DNER: variants seen among roughly 807,000 people sequenced by gnomAD.
DNER encodes delta/notch like EGF repeat containing, also known as delta and Notch-like epidermal growth factor-related receptor.
In DNER, 33 loss-of-function variants were observed where a neutral mutation model predicts 78.2. The ratio of observed to expected loss-of-function variants is 0.42; its 90% CI spans 0.32 to 0.56. The LOEUF (loss-of-function observed/expected upper bound fraction) is 0.56, where lower values mean the gene tolerates loss of function less well. DNER is among the 20% of genes least tolerant of loss of function. DNER has a pLI of 0.11. For missense variants in DNER, 918 were observed against 975.3 expected (o/e 0.94, Z 0.78); for synonymous variants, 417 against 384.8 (o/e 1.08, Z -0.98).
In DNER at chr2:229,534,898, C is replaced by T. The variant is rs1193831461; in HGVS notation, c.993+12049G>A. Among the ~76,000 whole-genome samples, 8 of 152,050 alleles carry T rather than the reference C, an allele frequency of 5.3e-5. No homozygotes were observed. The South Asian group carries it at 6.2e-4, about 12-fold the overall frequency. ...TTGCCCAGGCTGGAGTACCCTGGCA[C>T]GATCTCAACTCACTGCAACCTCTGC... On this transcript the variant is annotated intron_variant, in intron 5 of 12. Transcript: ENST00000341772.
chr2:229,542,759 C>T (rs1361688266), intron 5 of DNER, among the ~76,000 whole-genome samples: 1 of 124,716 alleles, frequency 8.0e-6, no homozygotes, highest in Non-Finnish European at 1.6e-5. Context: ...TAAAAAGTCA[C>T]AGGAACCCAA....
chr2:229,492,555 C>T (rs1695423756), intron 6 of DNER, among the ~76,000 whole-genome samples: 1 of 152,206 alleles, frequency 6.6e-6, no homozygotes, highest in South Asian at 2.1e-4. Flanking sequence ...CCCCCATGAG[C>T]TTTGTGACCT....
At chr2:229,620,859 A>T (rs766402384) in intron 1 of DNER, among the ~76,000 whole-genome samples, 6 of 152,222 alleles carry the variant, frequency 3.9e-5, no homozygotes, top group Non-Finnish European at 7.3e-5. Flanking sequence ...GAGTCACACC[A>T]GGGATGCCCA....
chr2:229,422,059 G>C (rs910252484), intron 8 of DNER, among the ~76,000 whole-genome samples: 5 of 151,916 alleles, frequency 3.3e-5, no homozygotes, highest in African/African-American at 1.2e-4. Flanking sequence ...TTCTTCCTTG[G>C]GGGGGAAAAA....
intron 1 of DNER, among the ~76,000 whole-genome samples, chr2:229,695,467 G>C (rs1274315852): frequency 6.6e-6 from 1 of 152,170 alleles, no homozygotes; most frequent in Non-Finnish European, 1.5e-5. Context: ...TTCAGTGTTT[G>C]CAATGTCTGG....
chr2:229,445,187 T>C (rs1437151486), intron 8 of DNER, among the ~76,000 whole-genome samples: 1 of 152,164 alleles, frequency 6.6e-6, no homozygotes, highest in Non-Finnish European at 1.5e-5. Flanking sequence ...GTTGTCTCAG[T>C]GATCCACATT....
intron 7 of DNER, among the ~76,000 whole-genome samples, chr2:229,461,707 G>A (rs767301416): frequency 6.6e-6 from 1 of 151,992 alleles, no homozygotes; most frequent in Admixed American, 6.6e-5. Flanking sequence ...AATATATTTG[G>A]ATTTACAATC....
chr2:229,405,167 G>T (rs1219218499), intron 10 of DNER, among the ~76,000 whole-genome samples: 3 of 152,066 alleles, frequency 2.0e-5, no homozygotes. Flanking sequence ...TATTTAAGAA[G>T]TATTCAACCT....
rs531350903 is a variant in DNER at position 229,582,284 on chromosome 2, CA to C, written c.847+3573del. Among the ~76,000 whole-genome samples, 145 of 152,246 alleles carry C rather than the reference CA, an allele frequency of 9.5e-4. 1 individual carries two copies. The highest frequency in any genetic ancestry group is 8.6e-3 in the Admixed American group (132 of 15,298). ...GAGCATCAGGCTTCCGCAAAGATTG[CA>C]AAAGGTACATCTTGTTTCTGAAGGA... is the stretch of plus-strand genomic sequence containing the variant. On this transcript the variant is annotated intron_variant, in intron 4 of 12. Coordinates refer to ENST00000341772, the MANE Select transcript of DNER (RefSeq NM_139072.4).
chr2:229,615,149 T>C lies in DNER; in HGVS notation c.277-23261A>G, dbSNP rs138749192. Among the ~76,000 whole-genome samples, 1,198 of 150,652 alleles carry C rather than the reference T, an allele frequency of 8.0e-3. 16 individuals carry two copies. Among genetic ancestry groups the C allele is most frequent in the African/African-American group, 0.027 (1,124 of 40,996 alleles). Reference sequence around the variant, plus strand: ...TGTAGAGGCCGGGCGTGGTGGCTCATACCTGTAATCCCAGCACTTTGGGAG... The same window carrying C: ...TGTAGAGGCCGGGCGTGGTGGCTCACACCTGTAATCCCAGCACTTTGGGAG... On this transcript the variant is annotated intron_variant, in intron 1 of 12. Coordinates refer to ENST00000341772, the MANE Select transcript of DNER (RefSeq NM_139072.4).
intron 1 of DNER, among the ~76,000 whole-genome samples, chr2:229,610,044 T>C (rs1266294171): frequency 2.6e-5 from 4 of 152,232 alleles, no homozygotes; most frequent in Non-Finnish European, 5.9e-5. Context: ...ACTTTGCAGA[T>C]GATTATTTTA....
intron 1 of DNER, among the ~76,000 whole-genome samples, chr2:229,664,420 A>G (rs528532355): frequency 2.6e-5 from 4 of 152,272 alleles, no homozygotes; most frequent in African/African-American, 9.6e-5. Flanking sequence ...AGATTGGAGG[A>G]TTGCTTGAGC....
At chr2:229,526,329 G>A (rs536875312) in intron 5 of DNER, among the ~76,000 whole-genome samples, 1 of 152,250 alleles carries the variant, frequency 6.6e-6, no homozygotes, top group East Asian at 1.9e-4. Context: ...CTGGGTTAAC[G>A]TATCATATTT....
At chr2:229,487,579 A>C (rs920526573) in intron 6 of DNER, among the ~76,000 whole-genome samples, 15 of 152,266 alleles carry the variant, frequency 9.9e-5, no homozygotes, top group African/African-American at 3.6e-4. Flanking sequence ...TTACACCATG[A>C]GACAGACAAG....
At chr2:229,439,954 G>A (rs1694197765) in intron 8 of DNER, among the ~76,000 whole-genome samples, 1 of 152,204 alleles carries the variant, frequency 6.6e-6, no homozygotes, top group African/African-American at 2.4e-5. Context: ...AGCAAAGAAT[G>A]AGTTCTGAAT....
rs1298794884 is a variant in DNER, at chr2:229,387,557, AAGAAAGAAAG to A, written c.1855+698_1855+707del. Among the ~76,000 whole-genome samples the A allele has an allele frequency of 2.1e-3, 315 of 151,210 alleles. 1 individual carries two copies. Among genetic ancestry groups the A allele is most frequent in the Non-Finnish European group, 3.8e-3 (254 of 67,634 alleles). On this transcript the variant is annotated intron_variant, in intron 11 of 12. Transcript: ENST00000341772. The stretch of plus-strand genomic sequence containing the variant: ...AAAGAAAGAAAGAAAGAAAGAAAGA[AAGAAAGAAAG>A]AAAAGAAAGAAGGAAGGAAGGAAAG...
At chr2:229,663,673 G>C (rs1238774814) in intron 1 of DNER, among the ~76,000 whole-genome samples, 1 of 152,164 alleles carries the variant, frequency 6.6e-6, no homozygotes, top group East Asian at 1.9e-4. Context: ...TTGTTATCCA[G>C]CATCTTCACT....
At chr2:229,398,443 G>A (rs996904920) in intron 10 of DNER, among the ~76,000 whole-genome samples, 6 of 152,040 alleles carry the variant, frequency 3.9e-5, no homozygotes, top group African/African-American at 1.4e-4. Context: ...ATAGCAAATT[G>A]ATACAATCGG....
chr2:229,654,112 C>T (rs910554254), intron 1 of DNER, among the ~76,000 whole-genome samples: 1 of 152,000 alleles, frequency 6.6e-6, no homozygotes, highest in Non-Finnish European at 1.5e-5. Flanking sequence ...TGCTATCCCC[C>T]ACTCCCCCCA....
Sources: allele counts gnomAD v4.1 joint callset (sites outside exome capture counted in the v4.1 genomes callset), GRCh38; gene constraint gnomAD v4.1.1; transcripts MANE v1.5; gene names NCBI Gene and HGNC (gene_info 2026-07-23, HGNC 2026-07-21).